Variants in BTBD10 observed in about 807,000 individuals in gnomAD.
BTBD10 encodes the protein BTB/POZ domain-containing protein 10.
Under a neutral mutation model 53.2 loss-of-function variants are expected in BTBD10, and 21 were observed. The ratio of observed to expected loss-of-function variants is 0.39; its 90% CI spans 0.28 to 0.57. The LOEUF is 0.57. Among genes scored for constraint, BTBD10 ranks in the 20% least tolerant of loss-of-function variants. BTBD10 has a pLI of 0.53. For synonymous variants in BTBD10, 149 were observed against 192.7 expected (o/e 0.77, Z 1.88); for missense variants, 360 against 594.7 (o/e 0.61, Z 4.10).
chr11:13,406,637 GTGTT>G (rs1416363641), intron 6 of BTBD10, among the ~76,000 whole-genome samples: 66 of 103,332 alleles, frequency 6.4e-4, no homozygotes, highest in Admixed American at 1.4e-3. Context: ...GTGTGTGTGT[GTGTT>G]TGTGTGTGTG....
At chr11:13,390,702 A>T (rs1024369298) in intron 8 of BTBD10, among the ~76,000 whole-genome samples, 21 of 152,250 alleles carry the variant, frequency 1.4e-4, no homozygotes, top group African/African-American at 4.3e-4. Flanking sequence ...CCCATAGGCC[A>T]AAGTTAGACC....
intron 8 of BTBD10, among the ~76,000 whole-genome samples, chr11:13,396,493 C>A (rs58286708): frequency 0.034 from 5,152 of 152,254 alleles, 289 homozygotes; most frequent in African/African-American, 0.12. Flanking sequence ...CAAACAGGGA[C>A]AATTTGGCTT....
At chr11:13,410,392 G>T (rs1591111725) in intron 6 of BTBD10, among the ~76,000 whole-genome samples, 1 of 152,052 alleles carries the variant, frequency 6.6e-6, no homozygotes, top group Non-Finnish European at 1.5e-5. Flanking sequence ...TCGTAATTAA[G>T]CCTAAAAGAA....
chr11:13,427,013 C>T lies in BTBD10; in HGVS notation c.102-5175G>A, dbSNP rs374646537. On this transcript the variant is annotated intron_variant, in intron 2 of 8. Coordinates refer to ENST00000278174, the MANE Select transcript of BTBD10 (RefSeq NM_032320.7). Reference sequence around the variant, plus strand: ...GGCAGATCACTTGAGCCCAGGAGTTCGAGACCAGCCTTTGGCAACGTGGCA... The same window carrying T: ...GGCAGATCACTTGAGCCCAGGAGTTTGAGACCAGCCTTTGGCAACGTGGCA... 5.9e-5 allele frequency among the ~76,000 whole-genome samples: 9 copies of T among 152,188 alleles called. No homozygotes were observed. In the South Asian group the frequency reaches 1.7e-3, roughly 28 times the overall value.
chr11:13,461,985 T>C (rs1036347079), intron 1 of BTBD10, among the ~76,000 whole-genome samples: 6 of 151,618 alleles, frequency 4.0e-5, no homozygotes. Flanking sequence ...CCTTCCCAAG[T>C]ATTTTCTACT....
At chr11:13,391,999 G>A (rs1160391780) in intron 8 of BTBD10, among the ~76,000 whole-genome samples, 1 of 152,166 alleles carries the variant, frequency 6.6e-6, no homozygotes, top group Non-Finnish European at 1.5e-5. Flanking sequence ...GGGCAAGCCT[G>A]CCCCTGACTT....
At chr11:13,426,678 G>C (rs949264162) in intron 2 of BTBD10, among the ~76,000 whole-genome samples, 44 of 151,970 alleles carry the variant, frequency 2.9e-4, no homozygotes, top group Admixed American at 2.3e-3. Context: ...GATGTATACT[G>C]TTAATACTAA....
intron 7 of BTBD10, among the ~76,000 whole-genome samples, chr11:13,405,175 T>C (rs1949793324): frequency 6.6e-6 from 1 of 152,204 alleles, no homozygotes; most frequent in Non-Finnish European, 1.5e-5. Flanking sequence ...AGGGTCATTG[T>C]ATCCTTGATG....
intron 6 of BTBD10, 41 bp downstream of exon 6, chr11:13,413,489 C>A: frequency 1.3e-6 from 2 of 1,555,740 alleles, no homozygotes; most frequent in South Asian, 2.4e-5. Context: ...CCAATATATT[C>A]TAATTCTACA....
At chr11:13,454,028 G>A (rs914578477) in intron 1 of BTBD10, among the ~76,000 whole-genome samples, 1 of 151,826 alleles carries the variant, frequency 6.6e-6, no homozygotes, top group South Asian at 2.1e-4. Flanking sequence ...CTCCAGCCTG[G>A]GCAACAGAGC....
intron 8 of BTBD10, among the ~76,000 whole-genome samples, chr11:13,394,009 A>T (rs1031018040): frequency 2.6e-5 from 4 of 152,258 alleles, no homozygotes; most frequent in Non-Finnish European, 4.4e-5. Flanking sequence ...ATGTAAAAGG[A>T]ATGATAAATG....
chr11:13,426,301 A>G (rs1460194074), intron 2 of BTBD10, among the ~76,000 whole-genome samples: 3 of 152,144 alleles, frequency 2.0e-5, no homozygotes, highest in Non-Finnish European at 4.4e-5. Flanking sequence ...GAAAGTACAG[A>G]CATTTTCAGG....
Position 13,414,326 on chromosome 11 carries a change from T to C in BTBD10, c.688-676A>G, listed in dbSNP as rs536567365. ...CTTTTCAATTCCACAAGGGGAAATATGGACAGCTAAAAAAACACTTTTTCC... is the reference window on the plus strand; with the variant it reads ...CTTTTCAATTCCACAAGGGGAAATACGGACAGCTAAAAAAACACTTTTTCC... On this transcript the variant is annotated intron_variant, in intron 5 of 8. Coordinates refer to ENST00000278174, the MANE Select transcript of BTBD10 (RefSeq NM_032320.7). Among the ~76,000 whole-genome samples, 3 of 152,252 alleles carry C rather than the reference T, an allele frequency of 2.0e-5. No homozygotes were observed. The East Asian group carries it at 5.8e-4, about 29-fold the overall frequency.
chr11:13,421,424 A>T (rs1950240374), intron 3 of BTBD10, among the ~76,000 whole-genome samples: 1 of 152,230 alleles, frequency 6.6e-6, no homozygotes. Context: ...CTTATTTTAT[A>T]AGACTGTCCC....
intron 1 of BTBD10, among the ~76,000 whole-genome samples, chr11:13,461,730 C>T (rs771913082): frequency 1.3e-5 from 2 of 152,106 alleles, no homozygotes; most frequent in African/African-American, 4.8e-5. Context: ...TGAACGAACA[C>T]AAAAACATTG....
chr11:13,431,423 A>G (rs1950446132), intron 2 of BTBD10, among the ~76,000 whole-genome samples: 1 of 152,180 alleles, frequency 6.6e-6, no homozygotes, highest in Non-Finnish European at 1.5e-5. Context: ...CAACTAAGGA[A>G]TATCAATCAC....
chr11:13,399,547 C>T (rs961621504), intron 8 of BTBD10, among the ~76,000 whole-genome samples: 3 of 152,224 alleles, frequency 2.0e-5, no homozygotes, highest in Non-Finnish European at 2.9e-5. Flanking sequence ...TCTCTCAACT[C>T]GTCAAAGTCA....
intron 1 of BTBD10, among the ~76,000 whole-genome samples, chr11:13,453,363 T>A (rs2134053225): frequency 6.6e-6 from 1 of 152,180 alleles, no homozygotes; most frequent in African/African-American, 2.4e-5. Context: ...AGATAAAATG[T>A]CTAGAAATAT....
chr11:13,399,061 T>G (rs888244563), intron 8 of BTBD10, among the ~76,000 whole-genome samples: 1 of 152,208 alleles, frequency 6.6e-6, no homozygotes, highest in Non-Finnish European at 1.5e-5. Flanking sequence ...CTTTGTGGCG[T>G]TCTCTGTATT....
Sources: gnomAD v4.1 joint callset for allele counts (sites outside exome capture counted in the v4.1 genomes callset) on GRCh38, gnomAD v4.1.1 for gene constraint, MANE v1.5 for transcripts, NCBI Gene and HGNC (gene_info 2026-07-23, HGNC 2026-07-21) for gene names.